The following CLYBL variants were observed in gnomAD, a reference collection of about 807,000 sequenced individuals.
CLYBL encodes the protein citramalyl-CoA lyase, mitochondrial.
In CLYBL, 31 loss-of-function variants were observed where a neutral mutation model predicts 38.9. The observed-to-expected ratio is 0.80, with a 90% CI of 0.60 to 1.08. The LOEUF (loss-of-function observed/expected upper bound fraction) is 1.08, where lower values mean the gene tolerates loss of function less well. Among genes scored for constraint, CLYBL ranks in the 50% least tolerant of loss-of-function variants. CLYBL has a pLI of 0.00. For synonymous variants in CLYBL, 171 were observed against 158.6 expected (o/e 1.08, Z -0.59); for missense variants, 434 against 411.6 (o/e 1.05, Z -0.47).
chr13:99,608,507 G>A (rs2046568357), intron 1 of CLYBL, among the ~76,000 whole-genome samples: 4 of 152,078 alleles, frequency 2.6e-5, no homozygotes, highest in African/African-American at 4.8e-5. Context: ...GTCACCCCTC[G>A]CCCTAGAGGA....
intron 1 of CLYBL, among the ~76,000 whole-genome samples, chr13:99,736,796 T>C (rs1382947670): frequency 2.0e-5 from 3 of 152,180 alleles, no homozygotes; most frequent in Non-Finnish European, 2.9e-5. Context: ...CTTCAGGCCA[T>C]TGGTTTCTAC....
chr13:99,640,994 T>C (rs1211044589), intron 1 of CLYBL, among the ~76,000 whole-genome samples: 3 of 152,266 alleles, frequency 2.0e-5, no homozygotes. Context: ...TTGGTTTACA[T>C]ATATTGTTTT....
At chr13:99,799,377 T>TCACACACACACACACACACACACACA (rs142411916) in intron 2 of CLYBL, among the ~76,000 whole-genome samples, 3 of 150,176 alleles carry the variant, frequency 2.0e-5, no homozygotes, top group Admixed American at 6.6e-5. Context: ...ATACACACAT[T>TCACACACACACACACACACACACACA]CACACACACA....
At chr13:99,655,425 C>T (rs2047316385) in intron 1 of CLYBL, among the ~76,000 whole-genome samples, 1 of 152,148 alleles carries the variant, frequency 6.6e-6, no homozygotes, top group Non-Finnish European at 1.5e-5. Context: ...TTTCACGTGC[C>T]CACATGCAAA....
chr13:99,880,012 T>A (rs937432846), intron 7 of CLYBL, among the ~76,000 whole-genome samples: 1 of 148,698 alleles, frequency 6.7e-6, no homozygotes, highest in African/African-American at 2.5e-5. Flanking sequence ...CTGCTTCCAT[T>A]TATATATATA....
intron 2 of CLYBL, among the ~76,000 whole-genome samples, chr13:99,796,900 A>C (rs2050032535): frequency 6.6e-6 from 1 of 152,156 alleles, no homozygotes; most frequent in Non-Finnish European, 1.5e-5. Flanking sequence ...GACTTACTTC[A>C]TACCTGCTTC....
At chr13:99,637,059 T>A (rs951062638) in intron 1 of CLYBL, among the ~76,000 whole-genome samples, 2 of 152,196 alleles carry the variant, frequency 1.3e-5, no homozygotes, top group Non-Finnish European at 2.9e-5. Context: ...TTTTTATTTT[T>A]AGTAGAGACG....
chr13:99,612,487 A>T (rs933977338), intron 1 of CLYBL, among the ~76,000 whole-genome samples: 1 of 149,164 alleles, frequency 6.7e-6, no homozygotes, highest in African/African-American at 2.5e-5. Context: ...TTCTAAGCTC[A>T]AACAGTCCTC....
intron 7 of CLYBL, among the ~76,000 whole-genome samples, chr13:99,881,139 T>C (rs2052196738): frequency 6.6e-6 from 1 of 152,230 alleles, no homozygotes. Context: ...TCAAAGGCCA[T>C]GGAGTGTCTT....
chr13:99,667,244 G>A (rs980838318), intron 1 of CLYBL, among the ~76,000 whole-genome samples: 4 of 152,114 alleles, frequency 2.6e-5, no homozygotes, highest in Non-Finnish European at 4.4e-5. Flanking sequence ...AATGCCACAC[G>A]TAACCATCCC....
intron 1 of CLYBL, among the ~76,000 whole-genome samples, chr13:99,631,428 G>A (rs1229784069): frequency 1.3e-5 from 2 of 151,572 alleles, no homozygotes; most frequent in African/African-American, 4.9e-5. Context: ...ATACATATAT[G>A]TGTGTGTATA....
chr13:99,816,081 A>G (rs540133027), intron 2 of CLYBL, among the ~76,000 whole-genome samples: 5 of 152,338 alleles, frequency 3.3e-5, no homozygotes, highest in Non-Finnish European at 5.9e-5. Flanking sequence ...CAAATGTTCA[A>G]GGCATTGCAC....
chr13:99,885,547 G>T (rs1320690809), intron 7 of CLYBL, among the ~76,000 whole-genome samples: 3 of 152,112 alleles, frequency 2.0e-5, no homozygotes, highest in East Asian at 3.9e-4. Flanking sequence ...GTTTTAGAAA[G>T]ATAACAGCAC....
chr13:99,769,079 A>G (rs916257781), intron 1 of CLYBL, among the ~76,000 whole-genome samples: 2 of 152,136 alleles, frequency 1.3e-5, no homozygotes, highest in African/African-American at 4.8e-5. Flanking sequence ...TAGAACCAGC[A>G]ATCAGTGATC....
At chr13:99,806,096 T>C (rs532279127) in intron 2 of CLYBL, among the ~76,000 whole-genome samples, 1 of 152,312 alleles carries the variant, frequency 6.6e-6, no homozygotes, top group Admixed American at 6.5e-5. Context: ...TTCATGTACA[T>C]AACTTTTTTC....
chr13:99,631,375 A>G (rs1373723988), intron 1 of CLYBL, among the ~76,000 whole-genome samples: 1 of 148,426 alleles, frequency 6.7e-6, no homozygotes, highest in Non-Finnish European at 1.5e-5. Context: ...ATGTATACAC[A>G]TATATAATTT....
chr13:99,754,883 C>T (rs1303727086), intron 1 of CLYBL, among the ~76,000 whole-genome samples: 9 of 151,278 alleles, frequency 5.9e-5, no homozygotes, highest in Non-Finnish European at 1.5e-5. Context: ...TGAGCCACCC[C>T]ACCCAGCCTA....
intron 1 of CLYBL, among the ~76,000 whole-genome samples, chr13:99,625,363 C>A (rs1236007020): frequency 1.3e-5 from 2 of 152,190 alleles, no homozygotes; most frequent in Admixed American, 6.5e-5. Flanking sequence ...TTAGGCTCCG[C>A]AGACATTTAA....
intron 1 of CLYBL, among the ~76,000 whole-genome samples, chr13:99,610,499 C>T (rs2046609884): frequency 6.6e-6 from 1 of 152,138 alleles, no homozygotes; most frequent in Non-Finnish European, 1.5e-5. Flanking sequence ...GCATTGTATT[C>T]TTTGTCATGT....
Sources: gnomAD v4.1 joint callset for allele counts (sites outside exome capture counted in the v4.1 genomes callset) on GRCh38, gnomAD v4.1.1 for gene constraint, MANE v1.5 for transcripts, NCBI Gene and HGNC (gene_info 2026-07-23, HGNC 2026-07-21) for gene names.